Variants in TERT observed in about 807,000 individuals in gnomAD.
TERT encodes telomerase reverse transcriptase, also known as telomerase catalytic subunit.
In TERT, 42 loss-of-function variants were observed where a neutral mutation model predicts 104.0. The ratio of observed to expected loss-of-function variants is 0.40; its 90% CI spans 0.32 to 0.52. The LOEUF (loss-of-function observed/expected upper bound fraction) is 0.52. Among genes scored for constraint, TERT ranks in the 20% least tolerant of loss-of-function variants. The probability of loss-of-function intolerance (pLI) is 0.43; values close to 1 mark genes in which losing one functional copy is unlikely to be tolerated. For missense variants in TERT, 1,101 were observed against 1,610.3 expected (o/e 0.68, Z 5.41); for synonymous variants, 781 against 725.6 (o/e 1.08, Z -1.23).
At chr5:1,276,828 A>G (rs1478548523) in intron 6 of TERT, among the ~76,000 whole-genome samples, 2 of 152,252 alleles carry the variant, frequency 1.3e-5, no homozygotes, top group East Asian at 3.8e-4. Context: ...TTAGCCACAA[A>G]CAGCTGATAA....
chr5:1,284,174 C>T (rs1750291739), intron 2 of TERT, among the ~76,000 whole-genome samples: 1 of 90,304 alleles, frequency 1.1e-5, no homozygotes, highest in African/African-American at 4.8e-5. Context: ...ATCCAGACGC[C>T]GCACATCCAG....
intron 2 of TERT, among the ~76,000 whole-genome samples, chr5:1,291,247 T>G (rs1476547973): frequency 5.7e-5 from 6 of 105,566 alleles, no homozygotes; most frequent in East Asian, 3.1e-4. Flanking sequence ...ACCCTACACC[T>G]GAGAGGGACA....
In TERT at chr5:1,294,279, A is replaced by T; in HGVS notation, c.607T>A (p.Trp203Arg). Residue 203 changes from tryptophan to arginine, a missense_variant, in exon 2 of 16, where the codon TGG becomes AGG. This residue lies in a region of TERT where 504 missense variants were observed against 544.6 expected (regional missense o/e 0.93). Transcript: ENST00000310581. ...PRRRLGCERA[W>R]NHSVREAGVP... ...CCGGCCTCCCTGACGCTATGGTTCC[A>T]GGCCCGTTCGCATCCCAGACGCCTT... 6.3e-7 allele frequency: 1 copy of T among 1,594,066 alleles called. No individual in the cohort carries two copies. The highest frequency in any genetic ancestry group is 1.1e-5 in the South Asian group (1 of 89,886).
rs774434714 is a variant in TERT at position 1,253,706 on chromosome 5, C to T, written c.*22G>A. ...CAGGGCTGCTGGTGTCTGCTCTCGG[C>T]CTGGCTGTGGGCGGGTGGCCATCAG... is the stretch of plus-strand genomic sequence containing the variant. On this transcript the variant is annotated 3_prime_UTR_variant, in exon 16 of 16. Coordinates refer to ENST00000310581, the MANE Select transcript of TERT (RefSeq NM_198253.3). 4 of 1,596,998 alleles carry T rather than the reference C, an allele frequency of 2.5e-6. No individual in the cohort carries two copies. The highest frequency in any genetic ancestry group is 1.3e-5 in the African/African-American group (1 of 74,738).
rs768693473 is a variant in TERT at position 1,265,754 on chromosome 5, G to A, written c.2654+710C>T. 7.4e-4 allele frequency among the ~76,000 whole-genome samples: 113 copies of A among 152,092 alleles called. No individual in the cohort carries two copies. Among genetic ancestry groups the A allele is most frequent in the Non-Finnish European group, 1.5e-3 (102 of 68,012 alleles). On this transcript the variant is annotated intron_variant, in intron 10 of 15. Coordinates refer to ENST00000310581, the MANE Select transcript of TERT (RefSeq NM_198253.3). The surrounding 1 kb of genome is among the most constrained non-coding windows in gnomAD (Gnocchi z 6.9). ...CACCCCTGGCGGCCACATTTTCTGA[G>A]GGTTCCCTTTACAGCTTTCAAGGTT...
chr5:1,289,549 G>A (rs865824130), intron 2 of TERT, among the ~76,000 whole-genome samples: 106 of 57,870 alleles, frequency 1.8e-3, no homozygotes, highest in African/African-American at 3.2e-3. Flanking sequence ...CGGGGACGGC[G>A]CCTCACTCAC....
At chr5:1,282,648 A>T (rs756987302) in intron 2 of TERT, 24 bp from the exon 3 acceptor site, 2 of 1,612,760 alleles carry the variant, frequency 1.2e-6, no homozygotes, top group Non-Finnish European at 1.7e-6. Flanking sequence ...GACATGCCAC[A>T]TCCAGATCAC....
intron 6 of TERT, among the ~76,000 whole-genome samples, chr5:1,277,658 C>T (rs1325669219): frequency 7.0e-5 from 3 of 42,806 alleles, no homozygotes; most frequent in African/African-American, 2.5e-4. Flanking sequence ...CACAGGTGGG[C>T]GGTGGGGACG....
Position 1,272,539 on chromosome 5 carries a change from C to CCA in TERT, c.2287-261_2287-260dup, listed in dbSNP as rs10700998. ...TGTGACCGATCACCATCCACAGTCA[C>CCA]CACATCAGACCCCACGACCGCCATC... is the stretch of plus-strand genomic sequence containing the variant. On this transcript the variant is annotated intron_variant, in intron 6 of 15. Coordinates refer to ENST00000310581, the MANE Select transcript of TERT (RefSeq NM_198253.3). Among the ~76,000 whole-genome samples, 486 of 111,282 alleles carry CCA rather than the reference C, an allele frequency of 4.4e-3. 7 individuals carry two copies. Among genetic ancestry groups the CCA allele is most frequent in the African/African-American group, 0.026 (445 of 16,866 alleles). The allele number at this position is 111,282 out of a possible 152,430, so 73.0% of individuals were successfully genotyped here. A position where few individuals can be genotyped will look rare whatever the true frequency, so the allele number is the denominator to read the frequency against.
intron 7 of TERT, among the ~76,000 whole-genome samples, chr5:1,271,864 G>A (rs1410367179): frequency 6.6e-6 from 1 of 152,188 alleles, no homozygotes; most frequent in Non-Finnish European, 1.5e-5. Flanking sequence ...CCTCCTAAAG[G>A]AGGGGGACAC....
intron 3 of TERT, 40 bp from the exon 4 acceptor site, chr5:1,280,378 C>T: frequency 1.2e-6 from 2 of 1,602,076 alleles, no homozygotes; most frequent in Non-Finnish European, 1.7e-6. Context: ...CTCAGCCAGA[C>T]AACAGACTAG....
At position 1,295,029 on chromosome 5, in the gene TERT, C is replaced by G. The variant is rs1371448596; in HGVS notation, c.-40G>C. The G allele has an allele frequency of 2.4e-6, 3 of 1,245,858 alleles. No homozygotes were observed. The highest frequency in any genetic ancestry group is 3.1e-5 in the East Asian group (1 of 31,932). 77.2% of individuals were successfully genotyped at this position (1,245,858 alleles called of 1,614,324 possible). On this transcript the variant is annotated 5_prime_UTR_variant, in exon 1 of 16. Transcript: ENST00000310581. The stretch of plus-strand genomic sequence containing the variant: ...GGGCCAGGGCTTCCCACGTGCGCAG[C>G]AGGACGCAGCGCTGCCTGAAACTCG...
rs2126597064 is a variant in TERT, at chr5:1,265,155, G to A, written c.2655-563C>T. On this transcript the variant is annotated intron_variant, in intron 10 of 15. Transcript: ENST00000310581. The surrounding 1 kb of genome is among the most constrained non-coding windows in gnomAD (Gnocchi z 6.9). ...AGCTTCACGTCAAGGAGGTTCCCTC[G>A]CCGAGTCATGAGCCTCGCTCACCCA... Among the ~76,000 whole-genome samples the A allele has an allele frequency of 6.6e-6, 1 of 152,272 alleles. No individual in the cohort carries two copies. The highest frequency in any genetic ancestry group is 1.5e-5 in the Non-Finnish European group (1 of 67,996).
intron 11 of TERT, 198 bp downstream of exon 11, chr5:1,264,204 TCC>T: frequency 1.6e-6 from 1 of 613,290 alleles, no homozygotes; most frequent in Non-Finnish European, 2.9e-6. Context: ...AGAAAACTGC[TCC>T]CGTTGTGAGC....
intron 2 of TERT, among the ~76,000 whole-genome samples, chr5:1,284,615 G>GC (rs1290935926): frequency 6.1e-5 from 8 of 130,414 alleles, no homozygotes; most frequent in Non-Finnish European, 9.8e-5. Flanking sequence ...CCAGCTCACC[G>GC]AGGGCCTGGC....
chr5:1,253,974 C>A, intron 15 of TERT, 143 bp from the exon 16 acceptor site: 2 of 928,580 alleles, frequency 2.2e-6, no homozygotes, highest in Non-Finnish European at 3.4e-6. Flanking sequence ...GGGACAGACA[C>A]CCCTCCACCG....
chr5:1,290,295 CG>C (rs1454980138), intron 2 of TERT, among the ~76,000 whole-genome samples: 3 of 62,042 alleles, frequency 4.8e-5, no homozygotes, highest in Admixed American at 1.6e-4. Context: ...CAGGGACACC[CG>C]GGGACGGCGC....
intron 7 of TERT, among the ~76,000 whole-genome samples, chr5:1,271,760 G>A (rs1749052402): frequency 6.6e-6 from 1 of 152,196 alleles, no homozygotes; most frequent in African/African-American, 2.4e-5. Flanking sequence ...CTCAAACACG[G>A]CCCGTCCTCC....
chr5:1,271,195 G>T lies in TERT; in HGVS notation c.2392C>A (p.Leu798Met), dbSNP rs1429836263. ...DAVVIEQSSS[L>M]NEASSGLFDV... is the part of the protein sequence containing the mutation. ...AAGAGGCCACTGCTGGCCTCATTCA[G>T]GGAGGAGCTCTGCGAAAGCAGACGG... Residue 798 changes from leucine to methionine, a missense_variant, in exon 8 of 16, where the codon CTG (leucine) becomes ATG (methionine). Physicochemically the swap from Leu to Met is conservative, Grantham distance 15. Around this residue, in one of 5 missense-constraint regions of TERT, gnomAD observed 463 missense variants for 797.5 expected, o/e 0.58. Coordinates refer to ENST00000310581, the MANE Select transcript of TERT (RefSeq NM_198253.3). 1 of 1,613,110 alleles carries T rather than the reference G, an allele frequency of 6.2e-7. No homozygotes were observed. The highest frequency in any genetic ancestry group is 8.5e-7 in the Non-Finnish European group (1 of 1,179,904).
Sources: gnomAD v4.1 joint callset for allele counts (sites outside exome capture counted in the v4.1 genomes callset) on GRCh38, gnomAD v4.1.1 for gene constraint, gnomAD v4.1.1 regional missense constraint, Gnocchi (gnomAD v3.1) non-coding constraint, MANE v1.5 for transcripts, NCBI Gene and HGNC (gene_info 2026-07-23, HGNC 2026-07-21) for gene names.